ZBTB44: variants seen among roughly 807,000 people sequenced by gnomAD.
ZBTB44 encodes the protein zinc finger and BTB domain-containing protein 44.
ZBTB44 carries 15 observed loss-of-function variants against 54.0 expected under a neutral mutation model. The ratio of observed to expected loss-of-function variants is 0.28; its 90% confidence interval spans 0.19 to 0.43. ZBTB44 has a LOEUF of 0.43. ZBTB44 is among the 20% of genes least tolerant of loss of function. ZBTB44 has a pLI of 1.00. For synonymous variants in ZBTB44, 230 were observed against 250.1 expected (o/e 0.92, Z 0.76); for missense variants, 487 against 707.1 (o/e 0.69, Z 3.53).
chr11:130,295,675 A>G (rs1397586707), intron 1 of ZBTB44: 71 of 1,340,020 alleles, frequency 5.3e-5, no homozygotes, highest in East Asian at 1.4e-4. Context: ...ATTCAGCATG[A>G]AAGTATCAGA....
At position 130,301,704 on chromosome 11, in the gene ZBTB44, ATGATAAGAGGCAC is replaced by A. The variant is rs147338566; in HGVS notation, c.-57+12658_-57+12670del. On this transcript the variant is annotated intron_variant, in intron 1 of 7. Transcript: ENST00000357899. ...TGTGGAGAAAAAAGTAGAAGGATGT[ATGATAAGAGGCAC>A]TGAAGACCCAACTGCTTTGAACCAT... is the stretch of plus-strand genomic sequence containing the variant. Among the ~76,000 whole-genome samples the A allele has an allele frequency of 3.6e-3, 545 of 149,570 alleles. 6 individuals carry two copies. The highest frequency in any genetic ancestry group is 0.013 in the African/African-American group (527 of 39,772).
chr11:130,261,208 A>G lies in ZBTB44; in HGVS notation c.666T>C (p.Val222=), dbSNP rs1938840520. 3 of 1,613,868 alleles carry G rather than the reference A, an allele frequency of 1.9e-6. No individual in the cohort carries two copies. In the East Asian group the frequency reaches 6.7e-5, roughly 36 times the overall value. ...ASYSENRNQP[V]DSSLAFPWTF... is the part of the protein sequence containing the mutation. The stretch of plus-strand genomic sequence containing the variant: ...TCCAAGGAAAAGCTAAGGAAGAGTC[A>G]ACTGGTTGGTTTCTATTTTCTGAGT... The change falls in exon 2 of 8, where the codon GTT becomes GTC. Residue 222 remains valine, a synonymous_variant. Coordinates refer to ENST00000357899, the MANE Select transcript of ZBTB44 (RefSeq NM_001301098.2). This position sits in a 1 kb window ranked among gnomAD's most constrained non-coding sequence, Gnocchi z 4.8.
In ZBTB44 at chr11:130,271,584, A is replaced by G. The variant is rs150860840; in HGVS notation, c.-56-9655T>C. On this transcript the variant is annotated intron_variant, in intron 1 of 7. Transcript: ENST00000357899. Reference sequence around the variant, plus strand: ...ATAAACTTCCCCATCCAAGACTTTCATATGAATGGAATCATATAATAATGT... The same window carrying G: ...ATAAACTTCCCCATCCAAGACTTTCGTATGAATGGAATCATATAATAATGT... Among the ~76,000 whole-genome samples the G allele has an allele frequency of 1.3e-3, 199 of 152,332 alleles. 1 individual carries two copies. The highest frequency in any genetic ancestry group is 4.6e-3 in the African/African-American group (190 of 41,566).
chr11:130,281,516 AAAATAAATAAAT>A (rs58860118), intron 1 of ZBTB44, among the ~76,000 whole-genome samples: 3,586 of 138,734 alleles, frequency 0.026, 46 homozygotes, highest in African/African-American at 0.044. Context: ...ACCCTGTCTC[AAAATAAATAAAT>A]AAATAAATAA....
At chr11:130,287,026 T>C (rs1941007582) in intron 1 of ZBTB44, among the ~76,000 whole-genome samples, 1 of 152,226 alleles carries the variant, frequency 6.6e-6, no homozygotes, top group Admixed American at 6.5e-5. Context: ...ACTGACCAGC[T>C]AGAGTGCTAG....
In ZBTB44 at chr11:130,235,996, A is replaced by C. The variant is rs1252190784; in HGVS notation, c.1568+797T>G. 3 of 938,090 alleles carry C rather than the reference A, an allele frequency of 3.2e-6. No individual in the cohort carries two copies. The African/African-American group carries it at 5.3e-5, about 17-fold the overall frequency. The allele number at this position is 938,090 out of a possible 1,614,324, so 58.1% of individuals were successfully genotyped here. ...AAAAAAAAAAAGAAAGATTTGTAAA[A>C]ATTTCATTTTATGAGAAACTAAGGA... On this transcript the variant is annotated intron_variant, in intron 5 of 7. Transcript: ENST00000357899.
intron 1 of ZBTB44, among the ~76,000 whole-genome samples, chr11:130,291,843 T>C (rs1941316091): frequency 6.6e-6 from 1 of 152,198 alleles, no homozygotes. Flanking sequence ...AACTGCATAG[T>C]GGACAATTTG....
At chr11:130,306,292 C>T (rs755268206) in intron 1 of ZBTB44, among the ~76,000 whole-genome samples, 12 of 151,994 alleles carry the variant, frequency 7.9e-5, no homozygotes, top group Non-Finnish European at 1.3e-4. Flanking sequence ...CACCTGAGGT[C>T]GGGAGTTCGA....
chr11:130,289,481 C>CA (rs796256653), intron 1 of ZBTB44, among the ~76,000 whole-genome samples: 5,162 of 64,310 alleles, frequency 0.08, 293 homozygotes, highest in African/African-American at 0.2. Context: ...GACTCTGCCT[C>CA]AAAAAAAAAA....
At chr11:130,283,402 G>A (rs1940687510) in intron 1 of ZBTB44, among the ~76,000 whole-genome samples, 1 of 151,974 alleles carries the variant, frequency 6.6e-6, no homozygotes, top group Admixed American at 6.6e-5. Context: ...TCACACTGTT[G>A]TGCAACCATT....
chr11:130,308,453 T>A (rs1942398949), intron 1 of ZBTB44, among the ~76,000 whole-genome samples: 1 of 152,212 alleles, frequency 6.6e-6, no homozygotes, highest in South Asian at 2.1e-4. Flanking sequence ...GGCCACTTAT[T>A]GTGATACTCT....
At chr11:130,283,905 G>A (rs1467642714) in intron 1 of ZBTB44, among the ~76,000 whole-genome samples, 1 of 150,162 alleles carries the variant, frequency 6.7e-6, no homozygotes, top group African/African-American at 2.5e-5. Flanking sequence ...GGGAGGTGGA[G>A]GCTGCAGTGA....
intron 2 of ZBTB44, among the ~76,000 whole-genome samples, chr11:130,255,913 A>C (rs1405432815): frequency 6.6e-6 from 1 of 150,670 alleles, no homozygotes; most frequent in African/African-American, 2.5e-5. Flanking sequence ...AAAAAAAAAA[A>C]AAAAAAAACA....
intron 1 of ZBTB44, among the ~76,000 whole-genome samples, chr11:130,286,020 G>A (rs930496022): frequency 1.3e-5 from 2 of 152,092 alleles, no homozygotes; most frequent in African/African-American, 2.4e-5. Context: ...ACTCATATTC[G>A]ATCTGTTCAA....
At chr11:130,301,933 C>T (rs1942008801) in intron 1 of ZBTB44, among the ~76,000 whole-genome samples, 1 of 151,428 alleles carries the variant, frequency 6.6e-6, no homozygotes, top group South Asian at 2.1e-4. Flanking sequence ...GTCCCAGTCA[C>T]TCAGGAGGCT....
chr11:130,247,443 T>C (rs1949639848), intron 2 of ZBTB44, among the ~76,000 whole-genome samples: 1 of 152,254 alleles, frequency 6.6e-6, no homozygotes. Flanking sequence ...AGGTTTGTTT[T>C]GTTTTCCTAG....
chr11:130,278,270 T>C (rs1940251050), intron 1 of ZBTB44, among the ~76,000 whole-genome samples: 1 of 152,172 alleles, frequency 6.6e-6, no homozygotes, highest in Non-Finnish European at 1.5e-5. Context: ...TTGGGCAAAA[T>C]AACCTAACAC....
intron 1 of ZBTB44, among the ~76,000 whole-genome samples, chr11:130,269,234 A>G (rs1015633623): frequency 6.6e-5 from 10 of 151,874 alleles, no homozygotes; most frequent in African/African-American, 2.4e-4. Context: ...GATTGCAGTG[A>G]GCCGAGATCA....
At chr11:130,262,954 G>C (rs920115816) in intron 1 of ZBTB44, among the ~76,000 whole-genome samples, 2 of 152,146 alleles carry the variant, frequency 1.3e-5, no homozygotes, top group Non-Finnish European at 2.9e-5. Flanking sequence ...CCAGCTATTC[G>C]GGACGCTGAT....
Sources: allele counts gnomAD v4.1 joint callset (sites outside exome capture counted in the v4.1 genomes callset), GRCh38; gene constraint gnomAD v4.1.1; non-coding constraint Gnocchi (gnomAD v3.1); transcripts MANE v1.5; gene names NCBI Gene and HGNC (gene_info 2026-07-23, HGNC 2026-07-21).